NKAIN3: variants seen among roughly 807,000 people sequenced by gnomAD.
NKAIN3 encodes sodium/potassium transporting ATPase interacting 3.
A neutral mutation model predicts 30.2 loss-of-function variants in NKAIN3; 25 were observed. That is an observed-to-expected ratio of 0.83 (90% confidence interval 0.60 to 1.16). NKAIN3 has a LOEUF of 1.16. NKAIN3 is among the 50% of genes most tolerant of loss of function. The pLI is 0.00. For synonymous variants in NKAIN3, 91 were observed against 89.6 expected, an observed-to-expected ratio of 1.02 and a Z score of -0.09; for missense variants, 225 against 254.1, an observed-to-expected ratio of 0.89 and a Z score of 0.78.
At chr8:62,923,545 T>TA (rs1822342761) in intron 5 of NKAIN3, among the ~76,000 whole-genome samples, 1 of 152,204 alleles carries the variant, frequency 6.6e-6, no homozygotes, top group Admixed American at 6.5e-5. Flanking sequence ...GATATATTTT[T>TA]AGTAATTTTG....
At chr8:62,480,490 A>G (rs1189710264) in intron 1 of NKAIN3, among the ~76,000 whole-genome samples, 1 of 151,570 alleles carries the variant, frequency 6.6e-6, no homozygotes, top group Non-Finnish European at 1.5e-5. Flanking sequence ...AAAGTAATGA[A>G]GTAACTAACT....
At chr8:62,348,715 C>T (rs539169801) in intron 1 of NKAIN3, among the ~76,000 whole-genome samples, 15 of 152,238 alleles carry the variant, frequency 9.9e-5, no homozygotes, top group African/African-American at 3.6e-4. Flanking sequence ...AATGTCCTCA[C>T]CTGAGATGAG....
intron 1 of NKAIN3, among the ~76,000 whole-genome samples, chr8:62,550,684 A>G (rs568319475): frequency 1.4e-4 from 21 of 152,300 alleles, no homozygotes; most frequent in Non-Finnish European, 2.5e-4. Flanking sequence ...AAAAGCCTTG[A>G]GTGTATTTAA....
At chr8:62,333,732 A>G (rs1322877341) in intron 1 of NKAIN3, among the ~76,000 whole-genome samples, 1 of 152,122 alleles carries the variant, frequency 6.6e-6, no homozygotes, top group East Asian at 1.9e-4. Context: ...ACATCATTAA[A>G]TGCTTTACCC....
intron 4 of NKAIN3, among the ~76,000 whole-genome samples, chr8:62,835,877 C>T (rs1033431037): frequency 2.0e-5 from 3 of 152,110 alleles, no homozygotes; most frequent in Admixed American, 2.0e-4. Context: ...CAAAAAAACA[C>T]ATGCACTGGT....
intron 3 of NKAIN3, among the ~76,000 whole-genome samples, chr8:62,698,133 G>T (rs1053998963): frequency 6.6e-6 from 1 of 152,192 alleles, no homozygotes; most frequent in Non-Finnish European, 1.5e-5. Flanking sequence ...AGAAAAAAAA[G>T]ATATAAGGGA....
intron 1 of NKAIN3, among the ~76,000 whole-genome samples, chr8:62,432,795 G>T (rs886074657): frequency 6.6e-6 from 1 of 151,974 alleles, no homozygotes; most frequent in Non-Finnish European, 1.5e-5. Context: ...TTTTCCCTTG[G>T]TATTGGACAC....
chr8:62,518,123 G>A (rs1172779646), intron 1 of NKAIN3, among the ~76,000 whole-genome samples: 1 of 152,152 alleles, frequency 6.6e-6, no homozygotes, highest in African/African-American at 2.4e-5. Context: ...TGCTTTGGAA[G>A]GCCAAGGTGG....
At position 62,718,820 on chromosome 8, in the gene NKAIN3, T is replaced by G. The variant is rs76006527; in HGVS notation, c.274-28112T>G. 6.1e-3 allele frequency among the ~76,000 whole-genome samples: 926 copies of G among 152,342 alleles called. 1 individual carries two copies. Among genetic ancestry groups the G allele is most frequent in the Non-Finnish European group, 9.3e-3 (632 of 68,032 alleles). ...TCTTTTATAGTTTACATTTTATGTTTAACTCTTTAATATATGTGGAATTGA... is the reference window on the plus strand; with the variant it reads ...TCTTTTATAGTTTACATTTTATGTTGAACTCTTTAATATATGTGGAATTGA... On this transcript the variant is annotated intron_variant, in intron 3 of 6. Transcript: ENST00000623646.
At chr8:62,276,527 C>G (rs139567825) in intron 1 of NKAIN3, among the ~76,000 whole-genome samples, 1 of 152,114 alleles carries the variant, frequency 6.6e-6, no homozygotes, top group African/African-American at 2.4e-5. Flanking sequence ...TGAGCAGTTA[C>G]GAAAATGAGA....
intron 5 of NKAIN3, among the ~76,000 whole-genome samples, chr8:62,919,002 A>T (rs1028349978): frequency 6.6e-6 from 1 of 151,258 alleles, no homozygotes; most frequent in South Asian, 2.1e-4. Flanking sequence ...AAAAAAAAAA[A>T]TTTACGAGGT....
intron 3 of NKAIN3, among the ~76,000 whole-genome samples, chr8:62,717,172 A>G (rs977060411): frequency 2.2e-4 from 33 of 152,348 alleles, no homozygotes; most frequent in African/African-American, 7.9e-4. Flanking sequence ...GAGTGTGAAG[A>G]GGTCACAATT....
chr8:62,701,208 T>C (rs1000799955), intron 3 of NKAIN3, among the ~76,000 whole-genome samples: 1 of 152,158 alleles, frequency 6.6e-6, no homozygotes, highest in Admixed American at 6.5e-5. Flanking sequence ...GCAATAGATG[T>C]TAGGATTTGG....
intron 1 of NKAIN3, among the ~76,000 whole-genome samples, chr8:62,373,848 C>T (rs1816983301): frequency 6.6e-6 from 1 of 152,062 alleles, no homozygotes. Context: ...TGCGGTGGCC[C>T]ATGCCTGTAA....
At chr8:62,754,238 C>A (rs1168197445) in intron 4 of NKAIN3, among the ~76,000 whole-genome samples, 1 of 151,994 alleles carries the variant, frequency 6.6e-6, no homozygotes, top group African/African-American at 2.4e-5. Flanking sequence ...TAAAATATTT[C>A]ATTTTAGTGG....
intron 3 of NKAIN3, among the ~76,000 whole-genome samples, chr8:62,683,415 A>G (rs546088118): frequency 4.4e-4 from 67 of 152,220 alleles, no homozygotes; most frequent in African/African-American, 1.6e-3. Context: ...CCAGGAAAAC[A>G]ATACTAAGGA....
rs561557665 is a variant in NKAIN3 at position 62,573,594 on chromosome 8, A to G, written c.55-5945A>G. Among the ~76,000 whole-genome samples, 196 of 152,012 alleles carry G rather than the reference A, an allele frequency of 1.3e-3. 2 individuals carry two copies. The highest frequency in any genetic ancestry group is 4.4e-3 in the African/African-American group (184 of 41,474). On this transcript the variant is annotated intron_variant, in intron 1 of 6. Transcript: ENST00000623646. The stretch of plus-strand genomic sequence containing the variant: ...CTTTACTTTGTAACTTTTTAATACA[A>G]GATATTTATTTTCATCCTATTCTTT...
intron 1 of NKAIN3, among the ~76,000 whole-genome samples, chr8:62,496,967 G>A (rs1024687150): frequency 6.6e-6 from 1 of 152,044 alleles, no homozygotes; most frequent in African/African-American, 2.4e-5. Context: ...TAATGAGTGT[G>A]AGCTTTAGAG....
At chr8:62,937,293 GAGCCT>G (rs1822813977) in intron 5 of NKAIN3, among the ~76,000 whole-genome samples, 1 of 152,120 alleles carries the variant, frequency 6.6e-6, no homozygotes, top group Admixed American at 6.5e-5. Context: ...AGAATTCGTA[GAGCCT>G]TTGAAAGAAG....
Sources: allele counts gnomAD v4.1 joint callset (sites outside exome capture counted in the v4.1 genomes callset), GRCh38; gene constraint gnomAD v4.1.1; transcripts MANE v1.5; gene names NCBI Gene and HGNC (gene_info 2026-07-23, HGNC 2026-07-21).